The following SAMD5 variants were observed in gnomAD, a reference collection of about 807,000 sequenced individuals.
The protein encoded by SAMD5 is sterile alpha motif domain containing 5, also known as sterile alpha motif domain-containing protein 5.
A neutral mutation model predicts 11.3 loss-of-function variants in SAMD5; 13 were observed. The observed-to-expected ratio is 1.15, with a 90% CI of 0.75 to 1.83. SAMD5 has a LOEUF of 1.83. SAMD5 is among the 40% of genes most tolerant of loss of function. The probability of loss-of-function intolerance (pLI) is 0.00; values close to 1 mark genes in which losing one functional copy is unlikely to be tolerated. For synonymous variants in SAMD5, 129 were observed against 111.3 expected (o/e 1.16, Z -1.00); for missense variants, 255 against 239.1 (o/e 1.07, Z -0.44).
the SAMD5 span, among the ~76,000 whole-genome samples, chr6:147,828,306 C>T: frequency 2.6e-5 from 4 of 152,216 alleles, no homozygotes; most frequent in Admixed American, 2.0e-4. Context: ...CAAAATAAAC[C>T]TTGGCCCTGC....
the SAMD5 span, among the ~76,000 whole-genome samples, chr6:147,744,344 C>G: frequency 6.6e-6 from 1 of 152,150 alleles, no homozygotes; most frequent in African/African-American, 2.4e-5. Flanking sequence ...TAAATACATA[C>G]TTATCTAAGT....
At chr6:147,796,286 G>C in the SAMD5 span, among the ~76,000 whole-genome samples, 7 of 151,522 alleles carry the variant, frequency 4.6e-5, no homozygotes, top group African/African-American at 1.2e-4. Context: ...TCTACATATG[G>C]CTAGCCAGTT....
At chr6:147,651,716 T>C (rs1790486765) in intron 1 of SAMD5, among the ~76,000 whole-genome samples, 1 of 152,212 alleles carries the variant, frequency 6.6e-6, no homozygotes, top group African/African-American at 2.4e-5. Flanking sequence ...CGGTTTGAAG[T>C]ATTTTATTAT....
At chr6:147,824,463 AT>A in the SAMD5 span, among the ~76,000 whole-genome samples, 1 of 152,222 alleles carries the variant, frequency 6.6e-6, no homozygotes, top group Non-Finnish European at 1.5e-5. Flanking sequence ...GAATTGGTTA[AT>A]TGCATTTTAA....
At chr6:147,523,446 G>A (rs1157709983) in intron 1 of SAMD5, among the ~76,000 whole-genome samples, 1 of 152,164 alleles carries the variant, frequency 6.6e-6, no homozygotes, top group Non-Finnish European at 1.5e-5. Context: ...AAACTCAGCT[G>A]AGTTTGCAGA....
chr6:147,677,977 G>C (rs960436847), intron 1 of SAMD5, among the ~76,000 whole-genome samples: 3 of 152,112 alleles, frequency 2.0e-5, no homozygotes, highest in Admixed American at 6.5e-5. Context: ...GATAAAGAAT[G>C]GTGCAATTGG....
At chr6:147,889,428 T>A in the SAMD5 span, among the ~76,000 whole-genome samples, 1 of 152,232 alleles carries the variant, frequency 6.6e-6, no homozygotes, top group African/African-American at 2.4e-5. Flanking sequence ...CTCAATTTCC[T>A]TGTTCACTAA....
intron 1 of SAMD5, among the ~76,000 whole-genome samples, chr6:147,704,174 C>T (rs780562752): frequency 3.0e-4 from 46 of 152,152 alleles, no homozygotes; most frequent in Non-Finnish European, 4.6e-4. Context: ...GGATTACAGG[C>T]GTGAGCCACT....
At chr6:147,846,307 T>C in the SAMD5 span, among the ~76,000 whole-genome samples, 4 of 152,178 alleles carry the variant, frequency 2.6e-5, no homozygotes, top group South Asian at 8.3e-4. Context: ...GTAGTAGTCA[T>C]GACACAAAGC....
intron 1 of SAMD5, among the ~76,000 whole-genome samples, chr6:147,698,634 A>C (rs1791212207): frequency 6.6e-6 from 1 of 152,230 alleles, no homozygotes. Context: ...AAATACATTT[A>C]CACAAAGGAT....
intron 1 of SAMD5, among the ~76,000 whole-genome samples, chr6:147,677,659 C>T (rs1188824503): frequency 1.3e-5 from 2 of 152,020 alleles, no homozygotes; most frequent in Non-Finnish European, 2.9e-5. Flanking sequence ...AAGCTCACCA[C>T]TATGGAGGAA....
intron 1 of SAMD5, among the ~76,000 whole-genome samples, chr6:147,510,210 G>A (rs928411757): frequency 2.6e-5 from 4 of 152,188 alleles, no homozygotes; most frequent in African/African-American, 9.7e-5. Flanking sequence ...CTCTGCACCG[G>A]GGGCCTCAGG....
At chr6:147,551,867 T>C (rs1420517821) in intron 1 of SAMD5, among the ~76,000 whole-genome samples, 3 of 145,282 alleles carry the variant, frequency 2.1e-5, no homozygotes, top group Non-Finnish European at 4.5e-5. Context: ...TTTTAATTTA[T>C]ATATATGTAA....
At chr6:147,546,540 A>AAAAAAAAAAAG (rs1788690219) in intron 1 of SAMD5, among the ~76,000 whole-genome samples, 1 of 151,438 alleles carries the variant, frequency 6.6e-6, no homozygotes, top group Non-Finnish European at 1.5e-5. Context: ...CAAAAAAAAA[A>AAAAAAAAAAAG]AAATAGAGTG....
the SAMD5 span, among the ~76,000 whole-genome samples, chr6:147,819,506 C>A: frequency 2.0e-4 from 30 of 152,186 alleles, 1 homozygote; most frequent in African/African-American, 1.2e-4. Context: ...TTAATAAATT[C>A]TTTTCTTGCT....
the SAMD5 span, among the ~76,000 whole-genome samples, chr6:147,801,719 C>A: frequency 1.3e-5 from 2 of 152,120 alleles, no homozygotes; most frequent in African/African-American, 2.4e-5. Flanking sequence ...GAAAATGGGG[C>A]CCAAAGACAG....
At chr6:147,907,671 A>G in the SAMD5 span, among the ~76,000 whole-genome samples, 58 of 152,260 alleles carry the variant, frequency 3.8e-4, 1 homozygote, top group Middle Eastern at 0.01. Context: ...GGTGGGAGGA[A>G]TCTTTTCCTC....
chr6:147,916,434 T>C, the SAMD5 span, among the ~76,000 whole-genome samples: 6 of 152,342 alleles, frequency 3.9e-5, no homozygotes, highest in African/African-American at 1.4e-4. Flanking sequence ...GACTTTTTAA[T>C]GATCGCCATT....
intron 1 of SAMD5, among the ~76,000 whole-genome samples, chr6:147,725,056 G>C (rs564877780): frequency 6.6e-6 from 1 of 152,088 alleles, no homozygotes; most frequent in South Asian, 2.1e-4. Flanking sequence ...TCCATCCCGA[G>C]GTTTTATTCT....
Sources: gnomAD v4.1 joint callset for allele counts (sites outside exome capture counted in the v4.1 genomes callset) on GRCh38, gnomAD v4.1.1 for gene constraint, MANE v1.5 for transcripts, NCBI Gene and HGNC (gene_info 2026-07-23, HGNC 2026-07-21) for gene names.